Variants in NRXN1 observed in about 807,000 individuals in gnomAD.
The protein encoded by NRXN1 is neurexin 1, also known as neurexin-1.
A neutral mutation model predicts 150.9 loss-of-function variants in NRXN1; 39 were observed. The ratio of observed to expected loss-of-function variants is 0.26; its 90% CI spans 0.20 to 0.34. The LOEUF (loss-of-function observed/expected upper bound fraction) is 0.34. Ranked by LOEUF, NRXN1 falls within the 10% of genes least tolerant of loss-of-function variation. The probability of loss-of-function intolerance (pLI) is 1.00; values close to 1 mark genes in which losing one functional copy is unlikely to be tolerated. For synonymous variants in NRXN1, 924 were observed against 757.0 expected, an observed-to-expected ratio of 1.22 and a Z score of -3.62; for missense variants, 1,815 against 1,949.9, an observed-to-expected ratio of 0.93 and a Z score of 1.30.
At chr2:50,804,254 G>T (rs1057348344) in intron 5 of NRXN1, among the ~76,000 whole-genome samples, 3 of 152,220 alleles carry the variant, frequency 2.0e-5, no homozygotes, top group African/African-American at 4.8e-5. Context: ...ATTAGGTGAA[G>T]TTATGGTATA....
intron 17 of NRXN1, among the ~76,000 whole-genome samples, chr2:50,251,019 CAT>C (rs2067006633): frequency 8.6e-6 from 1 of 116,714 alleles, no homozygotes; most frequent in Admixed American, 8.6e-5. Flanking sequence ...TGTAATATTA[CAT>C]ATTGTATATG....
intron 10 of NRXN1, among the ~76,000 whole-genome samples, chr2:50,535,890 T>C (rs1482511684): frequency 6.6e-6 from 1 of 152,196 alleles, no homozygotes; most frequent in Non-Finnish European, 1.5e-5. Flanking sequence ...GAATAATTAT[T>C]TTCATAAATT....
intron 17 of NRXN1, among the ~76,000 whole-genome samples, chr2:50,414,245 G>A (rs1244664860): frequency 6.6e-6 from 1 of 152,002 alleles, no homozygotes; most frequent in Non-Finnish European, 1.5e-5. Flanking sequence ...AGGGGGGATG[G>A]ATACCCCATT....
chr2:50,864,437 T>C (rs1676579780), intron 5 of NRXN1, among the ~76,000 whole-genome samples: 1 of 152,006 alleles, frequency 6.6e-6, no homozygotes, highest in African/African-American at 2.4e-5. Flanking sequence ...CTAATACACA[T>C]AAAGGTAATG....
At chr2:50,191,087 G>A (rs1270484108) in intron 18 of NRXN1, among the ~76,000 whole-genome samples, 1 of 151,984 alleles carries the variant, frequency 6.6e-6, no homozygotes, top group Non-Finnish European at 1.5e-5. Context: ...GGAGTGCACT[G>A]GCGTGATCTC....
At chr2:50,468,893 G>A (rs1485564591) in intron 16 of NRXN1, among the ~76,000 whole-genome samples, 1 of 151,582 alleles carries the variant, frequency 6.6e-6, no homozygotes, top group Non-Finnish European at 1.5e-5. Flanking sequence ...CGATTAAACA[G>A]AAAATTATTC....
At chr2:50,705,376 G>A (rs1008036590) in intron 5 of NRXN1, among the ~76,000 whole-genome samples, 1 of 152,060 alleles carries the variant, frequency 6.6e-6, no homozygotes, top group African/African-American at 2.4e-5. Flanking sequence ...CAATAATTAT[G>A]TTAAACCTAT....
At chr2:50,560,384 T>C (rs565359771) in intron 8 of NRXN1, among the ~76,000 whole-genome samples, 1 of 152,082 alleles carries the variant, frequency 6.6e-6, no homozygotes, top group Non-Finnish European at 1.5e-5. Context: ...GAAGACAGTG[T>C]AGAAAATGAA....
chr2:50,176,964 T>C (rs981594435), intron 18 of NRXN1, among the ~76,000 whole-genome samples: 1 of 152,168 alleles, frequency 6.6e-6, no homozygotes, highest in Non-Finnish European at 1.5e-5. Context: ...ACCGAGTTTC[T>C]GTTCTTAAAA....
intron 18 of NRXN1, among the ~76,000 whole-genome samples, chr2:50,098,781 A>G (rs1274247986): frequency 6.8e-6 from 1 of 147,384 alleles, no homozygotes. Flanking sequence ...TTAGAGGATG[A>G]GTCAAGAGGA....
At chr2:50,017,396 T>C (rs1016342121) in intron 21 of NRXN1, among the ~76,000 whole-genome samples, 6 of 152,120 alleles carry the variant, frequency 3.9e-5, no homozygotes, top group Non-Finnish European at 8.8e-5. Flanking sequence ...ACTGTAACAC[T>C]ACCAAGGAAA....
chr2:49,977,020 G>T (rs2152502787), intron 21 of NRXN1, among the ~76,000 whole-genome samples: 1 of 152,212 alleles, frequency 6.6e-6, no homozygotes, highest in South Asian at 2.1e-4. Context: ...ATGGTGTAGG[G>T]CTAAAGACAA....
At chr2:50,517,725 C>A (rs1408098996) in intron 12 of NRXN1, among the ~76,000 whole-genome samples, 2 of 151,988 alleles carry the variant, frequency 1.3e-5, no homozygotes, top group African/African-American at 2.4e-5. Context: ...CTTCCGAGTC[C>A]AAAGGAAATA....
intron 2 of NRXN1, among the ~76,000 whole-genome samples, chr2:50,972,109 G>A (rs1168952924): frequency 6.6e-6 from 1 of 151,466 alleles, no homozygotes. Context: ...ATTATTTGCT[G>A]TGAAACAAAG....
At chr2:50,031,259 C>T (rs1380531601) in intron 21 of NRXN1, among the ~76,000 whole-genome samples, 2 of 152,006 alleles carry the variant, frequency 1.3e-5, no homozygotes, top group African/African-American at 4.8e-5. Context: ...TTTGCTCAAA[C>T]TCAGATTATG....
At chr2:50,916,350 T>A (rs1315949982) in intron 5 of NRXN1, among the ~76,000 whole-genome samples, 1 of 151,378 alleles carries the variant, frequency 6.6e-6, no homozygotes, top group Non-Finnish European at 1.5e-5. Context: ...GTTATGATTC[T>A]AATTAAAGAT....
At chr2:50,373,294 T>TTATTATTATTATTA (rs1553512407) in intron 17 of NRXN1, among the ~76,000 whole-genome samples, 5,366 of 140,324 alleles carry the variant, frequency 0.038, 135 homozygotes, top group Admixed American at 0.052. Context: ...TATTTTATTT[T>TTATTATTATTATTA]TTATTATTAT....
chr2:50,742,533 G>T (rs960007126), intron 5 of NRXN1, among the ~76,000 whole-genome samples: 4 of 150,836 alleles, frequency 2.7e-5, no homozygotes, highest in Non-Finnish European at 5.9e-5. Context: ...GTTTGAGCCC[G>T]GGAGGCGGAG....
intron 5 of NRXN1, among the ~76,000 whole-genome samples, chr2:50,647,502 G>A (rs914228864): frequency 2.7e-4 from 41 of 151,812 alleles, no homozygotes; most frequent in Middle Eastern, 3.2e-3. Flanking sequence ...TACAACATTC[G>A]ACACTGCTTG....
Sources: allele counts gnomAD v4.1 joint callset (sites outside exome capture counted in the v4.1 genomes callset), GRCh38; gene constraint gnomAD v4.1.1; transcripts MANE v1.5; gene names NCBI Gene and HGNC (gene_info 2026-07-23, HGNC 2026-07-21).